The following TSPAN18 variants were observed in gnomAD, a reference collection of about 807,000 sequenced individuals.
TSPAN18 encodes tetraspanin-18.
A neutral mutation model predicts 27.3 loss-of-function variants in TSPAN18; 14 were observed. The observed-to-expected ratio is 0.51, with a 90% CI of 0.34 to 0.80. The LOEUF (loss-of-function observed/expected upper bound fraction) is 0.80, where lower values mean the gene tolerates loss of function less well. Ranked by LOEUF, TSPAN18 falls within the 30% of genes least tolerant of loss-of-function variation. TSPAN18 has a pLI of 0.01. For synonymous variants in TSPAN18, 143 were observed against 136.5 expected, an observed-to-expected ratio of 1.05 and a Z score of -0.33; for missense variants, 268 against 323.9, an observed-to-expected ratio of 0.83 and a Z score of 1.32.
Position 44,919,822 on chromosome 11 carries a change from T to A in TSPAN18, c.438T>A (p.Gly146=). 1 of 1,614,056 alleles carries A rather than the reference T, an allele frequency of 6.2e-7. No individual in the cohort carries two copies. Among genetic ancestry groups the A allele is most frequent in the South Asian group, 1.1e-5 (1 of 91,066 alleles). Reference sequence around the variant, plus strand: ...TCTCTGGGATCTCCCCCTAGTTTGGTTGCTGCGGGGTCAACGGGCCTGAAG... The same window carrying A: ...TCTCTGGGATCTCCCCCTAGTTTGGATGCTGCGGGGTCAACGGGCCTGAAG... ...ATWNSVMITF[G]CCGVNGPEDF... Residue 146 remains glycine (G), a synonymous_variant, in exon 8 of 10, where the codon GGT becomes GGA. Coordinates refer to ENST00000520358, the MANE Select transcript of TSPAN18 (RefSeq NM_130783.5).
intron 2 of TSPAN18, chr11:44,859,789 T>A (rs1369769908): frequency 6.6e-6 from 1 of 152,016 alleles, no homozygotes; most frequent in East Asian, 1.9e-4. Flanking sequence ...AGACCCAGAG[T>A]TTAGGCCTTG....
At chr11:44,912,894 A>ACATGTGTGTTGTGTGTG (rs1424874568) in intron 5 of TSPAN18, among the ~76,000 whole-genome samples, 1 of 29,884 alleles carries the variant, frequency 3.3e-5, no homozygotes, top group Non-Finnish European at 5.8e-5. Flanking sequence ...CTGTGTGTGC[A>ACATGTGTGTTGTGTGTG]CATGTGTGTT....
intron 2 of TSPAN18, among the ~76,000 whole-genome samples, chr11:44,826,367 TGA>T (rs1278754885): frequency 6.6e-6 from 1 of 152,186 alleles, no homozygotes; most frequent in Admixed American, 6.5e-5. Context: ...GAGGTTACAC[TGA>T]GTCGAGATGG....
chr11:44,919,089 CA>C (rs1212195697), intron 6 of TSPAN18, 124 bp from the exon 7 acceptor site: 2 of 743,850 alleles, frequency 2.7e-6, no homozygotes, highest in African/African-American at 3.4e-5. Context: ...GGGGACCTGG[CA>C]CCAGGATGCA....
rs1295289082 is a variant in TSPAN18 at position 44,924,460 on chromosome 11, C to A, written c.616-2214C>A. 2.6e-5 allele frequency among the ~76,000 whole-genome samples: 4 copies of A among 152,254 alleles called. No individual in the cohort carries two copies. In the East Asian group the frequency reaches 5.8e-4, roughly 22 times the overall value. On this transcript the variant is annotated intron_variant, in intron 8 of 9. Coordinates refer to ENST00000520358, the MANE Select transcript of TSPAN18 (RefSeq NM_130783.5). ...CCCTAGGCAACCAGGCCCTAAGGAC[C>A]ATTGCCAGATACCACTCTCCTGGGC...
chr11:44,731,629 TGTGTGAGA>T (rs1316412491), intron 1 of TSPAN18, among the ~76,000 whole-genome samples: 1,012 of 62,222 alleles, frequency 0.016, 13 homozygotes, highest in African/African-American at 0.041. Flanking sequence ...TGTGTGTGTG[TGTGTGAGA>T]GAGAGAGAGA....
intron 3 of TSPAN18, among the ~76,000 whole-genome samples, chr11:44,898,998 A>C (rs747461202): frequency 6.0e-4 from 91 of 152,358 alleles, no homozygotes; most frequent in Middle Eastern, 6.8e-3. Context: ...TCCCATGGCC[A>C]GATGAGGGTT....
chr11:44,743,737 G>T (rs754236838), intron 1 of TSPAN18, among the ~76,000 whole-genome samples: 7 of 152,188 alleles, frequency 4.6e-5, no homozygotes, highest in Admixed American at 1.3e-4. Flanking sequence ...TGTGTTGCTG[G>T]AGTCCTGCCT....
At chr11:44,873,464 G>A (rs1199304673) in intron 3 of TSPAN18, among the ~76,000 whole-genome samples, 1 of 152,206 alleles carries the variant, frequency 6.6e-6, no homozygotes, top group East Asian at 1.9e-4. Flanking sequence ...CCCTATTCTT[G>A]TGGCTGCAGA....
rs1426991497 is a variant in TSPAN18, at chr11:44,752,573, T to C, written c.-239-11853T>C. Among the ~76,000 whole-genome samples, 5 of 152,184 alleles carry C rather than the reference T, an allele frequency of 3.3e-5. No individual in the cohort carries two copies. The East Asian group carries it at 9.6e-4, about 29-fold the overall frequency. ...TTTCATTTCTTTGACAGTTTGTGTG[T>C]GTGTGTGTGTGCACGTGCACATGTA... On this transcript the variant is annotated intron_variant, in intron 1 of 9. Transcript: ENST00000520358.
chr11:44,924,589 G>A (rs1262489732), intron 8 of TSPAN18, among the ~76,000 whole-genome samples: 3 of 152,334 alleles, frequency 2.0e-5, no homozygotes, highest in African/African-American at 4.8e-5. Flanking sequence ...TGGCAGGCAC[G>A]TGGAACACTG....
Position 44,931,209 on chromosome 11 carries a change from A to G in TSPAN18, c.*2031A>G. 3.3e-6 allele frequency: 1 copy of G among 301,016 alleles called. No homozygotes were observed. Among genetic ancestry groups the G allele is most frequent in the South Asian group, 2.8e-5 (1 of 36,108 alleles). The allele number at this position is 301,016 out of a possible 1,614,324, so 18.6% of individuals were successfully genotyped here. A position where few individuals can be genotyped will look rare whatever the true frequency, so the allele number is the denominator to read the frequency against. On this transcript the variant is annotated 3_prime_UTR_variant, in exon 10 of 10. Transcript: ENST00000520358. ...AGCTAAGCTCCTGAGACCCAGGGGG[A>G]CCTGCCACTGGTACCGCGGCCCAGC...
At position 44,913,562 on chromosome 11, in the gene TSPAN18, A is replaced by G. The variant is rs567363622; in HGVS notation, c.258+3663A>G. ...ATAATGAAGGCAAGCTCAACTGGAA[A>G]AAAGAACAGCAAAAAGAGATGAGTA... On this transcript the variant is annotated intron_variant, in intron 5 of 9. Transcript: ENST00000520358. Among the ~76,000 whole-genome samples the G allele has an allele frequency of 6.6e-5, 10 of 152,388 alleles. No individual in the cohort carries two copies. In the East Asian group the frequency reaches 1.5e-3, roughly 23 times the overall value.
chr11:44,899,630 C>G (rs1859185491), intron 3 of TSPAN18, among the ~76,000 whole-genome samples: 1 of 152,204 alleles, frequency 6.6e-6, no homozygotes, highest in Non-Finnish European at 1.5e-5. Context: ...CACCATGTGT[C>G]AAGTGCTGTA....
intron 5 of TSPAN18, 92 bp from the exon 6 acceptor site, chr11:44,917,880 A>G: frequency 8.5e-7 from 1 of 1,173,218 alleles, no homozygotes; most frequent in South Asian, 1.2e-5. Context: ...ATACTGCGTC[A>G]CTGGTGTGAC....
chr11:44,885,583 A>G (rs1858622263), intron 3 of TSPAN18, among the ~76,000 whole-genome samples: 1 of 151,432 alleles, frequency 6.6e-6, no homozygotes, highest in African/African-American at 2.4e-5. Context: ...CCCTCCCCCA[A>G]CCCCTGAAGC....
chr11:44,741,698 T>C (rs80342700), intron 1 of TSPAN18, among the ~76,000 whole-genome samples: 4,091 of 152,128 alleles, frequency 0.027, 72 homozygotes, highest in Non-Finnish European at 0.044. Flanking sequence ...AGTTTTGGAG[T>C]CCCATGGATC....
chr11:44,924,706 A>G (rs927543078), intron 8 of TSPAN18, among the ~76,000 whole-genome samples: 1 of 144,640 alleles, frequency 6.9e-6, no homozygotes, highest in African/African-American at 2.5e-5. Context: ...TTCTGCTGTT[A>G]TAGTTCTGCA....
intron 2 of TSPAN18, among the ~76,000 whole-genome samples, chr11:44,830,273 T>C (rs1857128237): frequency 6.6e-6 from 1 of 152,238 alleles, no homozygotes. Flanking sequence ...TTCTCTCTCG[T>C]CCCACTCTAT....
Sources: allele counts gnomAD v4.1 joint callset (sites outside exome capture counted in the v4.1 genomes callset), GRCh38; gene constraint gnomAD v4.1.1; transcripts MANE v1.5; gene names NCBI Gene and HGNC (gene_info 2026-07-23, HGNC 2026-07-21).